Variants in DLGAP2 observed in about 807,000 individuals in gnomAD.
The protein encoded by DLGAP2 is disks large-associated protein 2.
Under a neutral mutation model 100.3 loss-of-function variants are expected in DLGAP2, and 26 were observed. That is an observed-to-expected ratio of 0.26 (90% CI 0.19 to 0.36). DLGAP2 has a LOEUF of 0.36. Ranked by LOEUF, DLGAP2 falls within the 10% of genes least tolerant of loss-of-function variation. The pLI, the probability that DLGAP2 is intolerant of heterozygous loss-of-function variation, is 1.00. For missense variants in DLGAP2, 1,858 were observed against 1,453.2 expected, an observed-to-expected ratio of 1.28 and a Z score of -4.53; for synonymous variants, 886 against 630.1, an observed-to-expected ratio of 1.41 and a Z score of -6.08.
intron 2 of DLGAP2, among the ~76,000 whole-genome samples, chr8:925,032 T>A (rs1253673343): frequency 6.6e-5 from 10 of 152,208 alleles, no homozygotes; most frequent in Non-Finnish European, 2.9e-5. Flanking sequence ...ATGGTGAAGA[T>A]GTATTGATAA....
intron 2 of DLGAP2, among the ~76,000 whole-genome samples, chr8:1,140,198 A>C (rs1040309121): frequency 2.0e-5 from 3 of 152,160 alleles, no homozygotes; most frequent in African/African-American, 7.2e-5. Flanking sequence ...CCAGGGTGAC[A>C]TGAAACTCCG....
At chr8:896,334 G>C (rs977125705) in intron 1 of DLGAP2, among the ~76,000 whole-genome samples, 1 of 150,918 alleles carries the variant, frequency 6.6e-6, no homozygotes, top group African/African-American at 2.4e-5. Context: ...TTTTGTGCAG[G>C]ACCTGGCCGG....
chr8:1,367,076 A>G lies in DLGAP2; in HGVS notation c.106+108193A>G, dbSNP rs534667327. 2.6e-5 allele frequency among the ~76,000 whole-genome samples: 4 copies of G among 152,344 alleles called. No individual in the cohort carries two copies. The East Asian group carries it at 5.8e-4, about 22-fold the overall frequency. On this transcript the variant is annotated intron_variant, in intron 3 of 14. Transcript: ENST00000637795. ...GACCCCGGTAAATAACACTGTTAAC[A>G]TTTACGTAGCAACCTTTCCAACACA...
intron 8 of DLGAP2, among the ~76,000 whole-genome samples, chr8:1,640,394 C>G (rs963380832): frequency 6.6e-6 from 1 of 152,166 alleles, no homozygotes; most frequent in Non-Finnish European, 1.5e-5. Flanking sequence ...CATCACGTCT[C>G]CAACCCCGCA....
intron 1 of DLGAP2, among the ~76,000 whole-genome samples, chr8:741,449 G>C (rs1362770769): frequency 1.3e-5 from 2 of 152,110 alleles, no homozygotes; most frequent in African/African-American, 4.8e-5. Context: ...TCAGGTCATG[G>C]GCCTTGACAT....
intron 2 of DLGAP2, among the ~76,000 whole-genome samples, chr8:1,199,593 C>G (rs1797825969): frequency 6.6e-6 from 1 of 152,276 alleles, no homozygotes; most frequent in African/African-American, 2.4e-5. Flanking sequence ...TCGGGAAACA[C>G]CATCTTCATG....
chr8:1,292,154 G>A (rs768833671), intron 3 of DLGAP2, among the ~76,000 whole-genome samples: 3 of 152,200 alleles, frequency 2.0e-5, no homozygotes, highest in African/African-American at 4.8e-5. Context: ...CTCCAGAATC[G>A]CTGGCTTTGG....
chr8:1,054,022 C>G lies in DLGAP2; in HGVS notation c.73+146056C>G, dbSNP rs148925046. ...ACAACAAATGTGTTACACCGGCTTC[C>G]TTTTCCCGGTCAGATTCAGCCTTCC... On this transcript the variant is annotated intron_variant, in intron 2 of 14. Coordinates refer to ENST00000637795, the MANE Select transcript of DLGAP2 (RefSeq NM_001346810.2). Among the ~76,000 whole-genome samples the G allele has an allele frequency of 6.1e-3, 927 of 152,232 alleles. 5 individuals are homozygous for G. The highest frequency in any genetic ancestry group is 0.021 in the African/African-American group (891 of 41,538).
At chr8:1,363,499 G>C (rs1802033577) in intron 3 of DLGAP2, among the ~76,000 whole-genome samples, 1 of 152,232 alleles carries the variant, frequency 6.6e-6, no homozygotes. Flanking sequence ...TCCACAAAAA[G>C]CCATCCTGGC....
chr8:1,227,245 A>G (rs1798441425), intron 2 of DLGAP2, among the ~76,000 whole-genome samples: 1 of 139,188 alleles, frequency 7.2e-6, no homozygotes, highest in African/African-American at 3.1e-5. Flanking sequence ...CACACACAGA[A>G]TGGGATATTA....
chr8:1,590,353 C>T (rs931985399), intron 6 of DLGAP2, among the ~76,000 whole-genome samples: 1 of 152,138 alleles, frequency 6.6e-6, no homozygotes, highest in African/African-American at 2.4e-5. Context: ...AAATGGCACC[C>T]CTCTATCTTG....
intron 1 of DLGAP2, among the ~76,000 whole-genome samples, chr8:759,789 A>G (rs561206322): frequency 6.6e-6 from 1 of 152,290 alleles, no homozygotes; most frequent in Non-Finnish European, 1.5e-5. Flanking sequence ...CCCTCTCTCG[A>G]TAGAATTGAA....
intron 3 of DLGAP2, among the ~76,000 whole-genome samples, chr8:1,344,546 A>G (rs954006307): frequency 2.6e-5 from 4 of 152,182 alleles, no homozygotes; most frequent in African/African-American, 9.7e-5. Flanking sequence ...TTTCTCCATA[A>G]GGATGTCACA....
At chr8:1,087,789 T>G (rs1804024661) in intron 2 of DLGAP2, among the ~76,000 whole-genome samples, 1 of 152,248 alleles carries the variant, frequency 6.6e-6, no homozygotes, top group Admixed American at 6.5e-5. Context: ...GAATCCATTT[T>G]ACTGTCTCCT....
intron 1 of DLGAP2, among the ~76,000 whole-genome samples, chr8:860,295 T>G (rs1316953298): frequency 6.6e-6 from 1 of 152,186 alleles, no homozygotes; most frequent in Non-Finnish European, 1.5e-5. Flanking sequence ...GAAAAATCTC[T>G]TTTGTGACCA....
intron 2 of DLGAP2, among the ~76,000 whole-genome samples, chr8:1,254,761 G>T (rs765345846): frequency 6.6e-6 from 1 of 152,194 alleles, no homozygotes; most frequent in Non-Finnish European, 1.5e-5. Context: ...TGAGTGTGCA[G>T]AGTTGTTGAC....
chr8:1,626,622 C>G, intron 6 of DLGAP2, 118 bp from the exon 7 acceptor site: 1 of 1,353,746 alleles, frequency 7.4e-7, no homozygotes, highest in South Asian at 1.4e-5. Context: ...GACGGTCGTT[C>G]CCACCTCTGC....
intron 2 of DLGAP2, among the ~76,000 whole-genome samples, chr8:1,129,356 T>C (rs935544906): frequency 1.7e-4 from 26 of 150,558 alleles, no homozygotes; most frequent in Non-Finnish European, 3.5e-4. Flanking sequence ...CCAGCTGAGA[T>C]TGCGCCACTG....
At chr8:944,656 A>G (rs1348950923) in intron 2 of DLGAP2, among the ~76,000 whole-genome samples, 1 of 151,530 alleles carries the variant, frequency 6.6e-6, no homozygotes, top group East Asian at 2.0e-4. Context: ...TGGGTGATCC[A>G]GTGGGTGGTA....
Sources: allele counts gnomAD v4.1 joint callset (sites outside exome capture counted in the v4.1 genomes callset), GRCh38; gene constraint gnomAD v4.1.1; transcripts MANE v1.5; gene names NCBI Gene and HGNC (gene_info 2026-07-23, HGNC 2026-07-21).